Variants in DEF8 observed in about 807,000 individuals in gnomAD.
DEF8 encodes differentially expressed in FDCP 8 homolog, also known as DEF-8.
Under a neutral mutation model 59.1 loss-of-function variants are expected in DEF8, and 38 were observed. The observed-to-expected ratio is 0.64, with a 90% CI of 0.50 to 0.84. The LOEUF (loss-of-function observed/expected upper bound fraction) is 0.84. DEF8 is among the 40% of genes least tolerant of loss of function. The probability of loss-of-function intolerance (pLI) is 0.00; values close to 1 mark genes in which losing one functional copy is unlikely to be tolerated. For synonymous variants in DEF8, 265 were observed against 250.1 expected, an observed-to-expected ratio of 1.06 and a Z score of -0.56; for missense variants, 557 against 615.2, an observed-to-expected ratio of 0.91 and a Z score of 1.00.
chr16:89,967,653 C>G lies in DEF8; in HGVS notation c.*1690C>G, dbSNP rs560728640. ...GAGGTTAAAGGCCAAATGCTGTTTC[C>G]CAACACCCCAAAGTCTGCACACGTC... On this transcript the variant is annotated 3_prime_UTR_variant, in exon 13 of 13. Transcript: ENST00000563594. The G allele has an allele frequency of 1.0e-5, 4 of 396,226 alleles. No homozygotes were observed. In the South Asian group the frequency reaches 5.7e-4, roughly 57 times the overall value. The allele number at this position is 396,226 out of a possible 1,614,324, so 24.5% of individuals were successfully genotyped here. A position where few individuals can be genotyped will look rare whatever the true frequency, so the allele number is the denominator to read the frequency against.
rs575199630 is a variant in DEF8, at chr16:89,958,701, G to A, written c.373-313G>A. On this transcript the variant is annotated intron_variant, in intron 5 of 12. Coordinates refer to ENST00000563594, the MANE Select transcript of DEF8 (RefSeq NM_001242818.2). ...CCTGCACCTAACCGGCAAAAAGCAG[G>A]AGGGGCAGAGAGGCCGGGTCGCTCC... 2.0e-5 allele frequency among the ~76,000 whole-genome samples: 3 copies of A among 152,366 alleles called. No individual in the cohort carries two copies. In the South Asian group the frequency reaches 6.2e-4, roughly 32 times the overall value.
chr16:89,963,675 C>G, intron 10 of DEF8: 1 of 564,970 alleles, frequency 1.8e-6, no homozygotes. Context: ...TGGGGTGGGT[C>G]CAGCCCAGCC....
At chr16:89,961,669 C>A (rs2034041655) in intron 7 of DEF8, 68 bp from the exon 8 acceptor site, 2 of 1,593,318 alleles carry the variant, frequency 1.3e-6, no homozygotes, top group East Asian at 2.2e-5. Context: ...GAGGACAGAC[C>A]ATGAGGCTGG....
At chr16:89,953,655 G>A (rs1422066630) in intron 2 of DEF8, among the ~76,000 whole-genome samples, 1 of 152,222 alleles carries the variant, frequency 6.6e-6, no homozygotes, top group Non-Finnish European at 1.5e-5. Flanking sequence ...TGGGCATGGG[G>A]AAGGTGGGCC....
At chr16:89,949,689 C>A in intron 2 of DEF8, 176 bp downstream of exon 2, 1 of 1,527,018 alleles carries the variant, frequency 6.5e-7, no homozygotes, top group Non-Finnish European at 8.9e-7. Flanking sequence ...CCTCCGTGCC[C>A]CGGAACCCCG....
At chr16:89,955,508 A>G (rs1473977858) in intron 4 of DEF8, among the ~76,000 whole-genome samples, 1 of 152,040 alleles carries the variant, frequency 6.6e-6, no homozygotes, top group Non-Finnish European at 1.5e-5. Flanking sequence ...AGGTGGAGAG[A>G]GCCTGGGATT....
chr16:89,959,258 A>C, intron 6 of DEF8, 103 bp downstream of exon 6: 1 of 1,568,104 alleles, frequency 6.4e-7, no homozygotes, highest in Middle Eastern at 1.7e-4. Flanking sequence ...GGTGGCCACT[A>C]GCCAAACATG....
In DEF8 at chr16:89,966,242, T is replaced by TG; in HGVS notation, c.*285dup. The TG allele has an allele frequency of 2.9e-6, 1 of 339,282 alleles. No homozygotes were observed. Among genetic ancestry groups the TG allele is most frequent in the Non-Finnish European group, 5.7e-6 (1 of 176,990 alleles). The allele number at this position is 339,282 out of a possible 1,614,324, so 21.0% of individuals were successfully genotyped here. A position where few individuals can be genotyped will look rare whatever the true frequency, so the allele number is the denominator to read the frequency against. On this transcript the variant is annotated 3_prime_UTR_variant, in exon 13 of 13. Coordinates refer to ENST00000563594, the MANE Select transcript of DEF8 (RefSeq NM_001242818.2). ...ATGCAGAACTCCATGGGCAGGGAGC[T>TG]GGGGGGACATCTCACCTCCCCCATG...
chr16:89,956,779 C>T (rs2033274506), intron 4 of DEF8: 1 of 152,176 alleles, frequency 6.6e-6, no homozygotes, highest in African/African-American at 2.4e-5. Flanking sequence ...AAAGTGCTAG[C>T]ATTATAGGTG....
At chr16:89,950,195 G>GCGTA (rs1249785603) in intron 2 of DEF8, 1 of 986,378 alleles carries the variant, frequency 1.0e-6, no homozygotes, top group African/African-American at 1.7e-5. Flanking sequence ...GCTTCCCCAG[G>GCGTA]CGTAGCTCCT....
At chr16:89,964,386 C>T in intron 11 of DEF8, 76 bp downstream of exon 11, 2 of 1,547,104 alleles carry the variant, frequency 1.3e-6, no homozygotes, top group Non-Finnish European at 1.7e-6. Flanking sequence ...CAGCCCAGCC[C>T]AGTGTGTCCC....
intron 5 of DEF8, 93 bp from the exon 6 acceptor site, chr16:89,958,921 T>TGCC: frequency 6.5e-7 from 1 of 1,550,242 alleles, no homozygotes; most frequent in East Asian, 2.3e-5. Context: ...CCCTAAATGG[T>TGCC]GCCTGGAAGA....
At position 89,954,134 on chromosome 16, in the gene DEF8, G is replaced by A; in HGVS notation, c.-10-109G>A. Reference sequence around the variant, plus strand: ...TGTGAGGACTACCCACTTTAGGGAAGTGAAAGAGGCCAGCCTCACCCCAGA... The same window carrying A: ...TGTGAGGACTACCCACTTTAGGGAAATGAAAGAGGCCAGCCTCACCCCAGA... On this transcript the variant is annotated intron_variant, in intron 2 of 12. Coordinates refer to ENST00000563594, the MANE Select transcript of DEF8 (RefSeq NM_001242818.2). The surrounding 1 kb of genome is among the most constrained non-coding windows in gnomAD (Gnocchi z 4.3). 7.8e-7 allele frequency: 1 copy of A among 1,283,498 alleles called. No individual in the cohort carries two copies. Among genetic ancestry groups the A allele is most frequent in the East Asian group, 2.3e-5 (1 of 42,744 alleles). The allele number at this position is 1,283,498 out of a possible 1,614,324, so 79.5% of individuals were successfully genotyped here. A position where few individuals can be genotyped will look rare whatever the true frequency, so the allele number is the denominator to read the frequency against.
At position 89,949,510 on chromosome 16, in the gene DEF8, G is replaced by A. The variant is rs765580239; in HGVS notation, c.-14G>A. On this transcript the variant is annotated 5_prime_UTR_variant, in exon 2 of 13. The change abolishes an upstream ATG in the 5' untranslated region. Coordinates refer to ENST00000563594, the MANE Select transcript of DEF8 (RefSeq NM_001242818.2). ...GAGCCCCTGGGCCCTGGCAGGCGATGCAGGTATGGGCAGACAGGACGCTGT... is the reference window on the plus strand; with the variant it reads ...GAGCCCCTGGGCCCTGGCAGGCGATACAGGTATGGGCAGACAGGACGCTGT... The A allele has an allele frequency of 6.2e-7, 1 of 1,613,230 alleles. No individual in the cohort carries two copies. Among genetic ancestry groups the A allele is most frequent in the Middle Eastern group, 1.7e-4 (1 of 6,022 alleles).
intron 2 of DEF8, chr16:89,950,046 A>T: frequency 1.0e-6 from 1 of 1,004,700 alleles, no homozygotes; most frequent in Non-Finnish European, 1.2e-6. Context: ...ATAGGCAAAT[A>T]AAAGATGCCT....
chr16:89,960,890 A>G (rs1008096514), intron 6 of DEF8, 41 bp from the exon 7 acceptor site: 1 of 1,595,850 alleles, frequency 6.3e-7, no homozygotes, highest in Non-Finnish European at 8.6e-7. Flanking sequence ...CTGCAGGCGC[A>G]CCCTTCCCGC....
At position 89,965,165 on chromosome 16, in the gene DEF8, C is replaced by A. The variant is rs527371932; in HGVS notation, c.1253+590C>A. 6.6e-5 allele frequency among the ~76,000 whole-genome samples: 10 copies of A among 152,168 alleles called. No homozygotes were observed. In the South Asian group the frequency reaches 2.1e-3, roughly 32 times the overall value. ...GTGGCTCTTGGAAAAATAATGTACA[C>A]AAATTAGAAGAAAAATATTTTAATT... On this transcript the variant is annotated intron_variant, in intron 12 of 12. Transcript: ENST00000563594.
rs752977998 is a variant in DEF8 at position 89,955,226 on chromosome 16, T to C, written c.182T>C (p.Met61Thr). Residue 61 changes from methionine (M) to threonine (T), a missense_variant, in exon 4 of 13, where the codon ATG becomes ACG. Met to Thr is a moderately conservative substitution (Grantham distance 81). Transcript: ENST00000563594. The part of the protein sequence containing the change: ...EPEFRCPERV[M>T]DLGLSEDHFS... ...GAATTCCGCTGCCCTGAACGCGTGATGGATCTCGGCCTGTCTGAGGACCAC... is the reference window on the plus strand; with the variant it reads ...GAATTCCGCTGCCCTGAACGCGTGACGGATCTCGGCCTGTCTGAGGACCAC... The C allele has an allele frequency of 2.5e-6, 4 of 1,613,516 alleles. No homozygotes were observed. In the East Asian group the frequency reaches 8.9e-5, roughly 36 times the overall value.
chr16:89,953,964 G>A (rs1258936224), intron 2 of DEF8, among the ~76,000 whole-genome samples: 1 of 152,252 alleles, frequency 6.6e-6, no homozygotes, highest in African/African-American at 2.4e-5. Flanking sequence ...GGGAGGCAGG[G>A]AGCTTGGGCC....
Sources: gnomAD v4.1 joint callset for allele counts (sites outside exome capture counted in the v4.1 genomes callset) on GRCh38, gnomAD v4.1.1 for gene constraint, Gnocchi (gnomAD v3.1) non-coding constraint, MANE v1.5 for transcripts, NCBI Gene and HGNC (gene_info 2026-07-23, HGNC 2026-07-21) for gene names.